Variants in PRDX5 observed in about 807,000 individuals in gnomAD.
PRDX5 encodes peroxiredoxin-5, mitochondrial.
In PRDX5, 21 loss-of-function variants were observed where a neutral mutation model predicts 23.8. The observed-to-expected ratio is 0.88, with a 90% CI of 0.63 to 1.27. PRDX5 has a LOEUF of 1.27. Among genes scored for constraint, PRDX5 ranks in the 50% most tolerant of loss-of-function variants. The probability of loss-of-function intolerance (pLI) is 0.00; values close to 1 mark genes in which losing one functional copy is unlikely to be tolerated. For missense variants in PRDX5, 261 were observed against 270.6 expected, an observed-to-expected ratio of 0.96 and a Z score of 0.25; for synonymous variants, 111 against 113.3, an observed-to-expected ratio of 0.98 and a Z score of 0.13.
At position 64,318,125 on chromosome 11, in the gene PRDX5, C is replaced by T. The variant is rs1296335549; in HGVS notation, c.-91C>T. 7 of 1,550,256 alleles carry T rather than the reference C, an allele frequency of 4.5e-6. No individual in the cohort carries two copies. Among genetic ancestry groups the T allele is most frequent in the South Asian group, 2.4e-5 (2 of 83,698 alleles). ...GTGGAGGCGGCCCAGGCCCGCCTTCCGCAGGGTGTCGCCGCTGTGCCGCTA... is the reference window on the plus strand; with the variant it reads ...GTGGAGGCGGCCCAGGCCCGCCTTCTGCAGGGTGTCGCCGCTGTGCCGCTA... On this transcript the variant is annotated 5_prime_UTR_variant, in exon 1 of 6. Transcript: ENST00000265462.
At chr11:64,321,564 G>A (rs543295298) in intron 5 of PRDX5, 22 bp from the exon 6 acceptor site, 4 of 1,609,718 alleles carry the variant, frequency 2.5e-6, no homozygotes, top group African/African-American at 1.3e-5. Flanking sequence ...GATGCAGCTG[G>A]CTGGGCCCCT....
chr11:64,318,939 C>T (rs906426246), intron 1 of PRDX5, among the ~76,000 whole-genome samples: 3 of 149,306 alleles, frequency 2.0e-5, no homozygotes, highest in Non-Finnish European at 4.4e-5. Context: ...AACAGCTGTC[C>T]CTTAGCGCCC....
chr11:64,319,747 TC>T lies in PRDX5; in HGVS notation c.188del (p.Pro63GlnfsTer14), dbSNP rs1403174090. The T allele has an allele frequency of 1.9e-6, 3 of 1,613,822 alleles. No homozygotes were observed. The highest frequency in any genetic ancestry group is 2.5e-6 in the Non-Finnish European group (3 of 1,179,856). The stretch of plus-strand genomic sequence containing the variant: ...CCTTCCTTCTAGGTGGGAGATGCCA[TC>T]CCAGCAGTGGAGGTGTTTGAAGGGG... ...AMAPIKVGDA[I>X]PAVEVFEGEP... On this transcript the variant is annotated frameshift_variant, in exon 2 of 6. Coordinates refer to ENST00000265462, the MANE Select transcript of PRDX5 (RefSeq NM_012094.5). LOFTEE classifies it high-confidence loss of function.
rs771199353 is a variant in PRDX5 at position 64,318,245 on chromosome 11, A to G, written c.30A>G (p.Arg10=). The G allele has an allele frequency of 1.2e-6, 2 of 1,611,868 alleles. No homozygotes were observed. The highest frequency in any genetic ancestry group is 1.7e-6 in the Non-Finnish European group (2 of 1,179,848). Residue 10 remains arginine (R), a synonymous_variant, in exon 1 of 6, where the codon AGA becomes AGG. Transcript: ENST00000265462. MGLAGVCAL[R]RSAGYILVGG... ...GACTAGCTGGCGTGTGCGCCCTGAGACGCTCAGCGGGCTATATACTCGTCG... is the reference window on the plus strand; with the variant it reads ...GACTAGCTGGCGTGTGCGCCCTGAGGCGCTCAGCGGGCTATATACTCGTCG...
At chr11:64,321,530 A>G (rs865835745) in intron 5 of PRDX5, 56 bp from the exon 6 acceptor site, 2 of 1,588,846 alleles carry the variant, frequency 1.3e-6, no homozygotes, top group Admixed American at 1.7e-5. Context: ...GCCTGTCTCC[A>G]TGCCCAGCCT....
rs747092163 is a variant in PRDX5, at chr11:64,318,239, C to T, written c.24C>T (p.Ala8=). 1.2e-6 allele frequency: 2 copies of T among 1,611,870 alleles called. No homozygotes were observed. The highest frequency in any genetic ancestry group is 4.5e-5 in the East Asian group (2 of 44,880). Residue 8 remains alanine, a synonymous_variant, in exon 1 of 6, where the codon GCC becomes GCT. Transcript: ENST00000265462. MGLAGVC[A]LRRSAGYILV... ...GTATGGGACTAGCTGGCGTGTGCGC[C>T]CTGAGACGCTCAGCGGGCTATATAC...
intron 1 of PRDX5, among the ~76,000 whole-genome samples, chr11:64,318,826 A>G (rs1408983695): frequency 7.3e-6 from 1 of 136,640 alleles, no homozygotes; most frequent in Non-Finnish European, 1.6e-5. Flanking sequence ...CGAACTCCTG[A>G]CCTCAGGTGA....
In PRDX5 at chr11:64,318,147, G is replaced by T. The variant is rs950924466; in HGVS notation, c.-69G>T. 11 of 1,593,642 alleles carry T rather than the reference G, an allele frequency of 6.9e-6. No individual in the cohort carries two copies. In the African/African-American group the frequency reaches 1.5e-4, roughly 21 times the overall value. On this transcript the variant is annotated 5_prime_UTR_variant, in exon 1 of 6. Coordinates refer to ENST00000265462, the MANE Select transcript of PRDX5 (RefSeq NM_012094.5). ...TTCCGCAGGGTGTCGCCGCTGTGCC[G>T]CTAGCGGTGCCCCGCCTGCTGCGGT...
Position 64,318,221 on chromosome 11 carries a change from A to G in PRDX5, c.6A>G (p.Gly2=), listed in dbSNP as rs2035365270. ...GAAGTGGCCGTGGGGCGGGTATGGG[A>G]CTAGCTGGCGTGTGCGCCCTGAGAC... The part of the protein sequence containing the change: M[G]LAGVCALRRS... Residue 2 remains glycine, a synonymous_variant, in exon 1 of 6, where the codon GGA becomes GGG. Coordinates refer to ENST00000265462, the MANE Select transcript of PRDX5 (RefSeq NM_012094.5). 1 of 1,611,600 alleles carries G rather than the reference A, an allele frequency of 6.2e-7. No homozygotes were observed.
In PRDX5 at chr11:64,320,876, G is replaced by A. The variant is rs773923432; in HGVS notation, c.450G>A (p.Leu150=). 4.3e-6 allele frequency: 7 copies of A among 1,614,222 alleles called. No homozygotes were observed. The South Asian group carries it at 7.7e-5, about 18-fold the overall frequency. The change falls in exon 4 of 6, where the codon CTG becomes CTA. Residue 150 remains leucine (L), a synonymous_variant. Transcript: ENST00000265462. ...TACTTTCTCTGCAGGTTCGGCTCCT[G>A]GCTGATCCCACTGGGGCCTTTGGGA... ...AHKAEGKVRL[L]ADPTGAFGKE... is the part of the protein sequence containing the mutation.
At chr11:64,318,476 G>C in intron 1 of PRDX5, 90 bp downstream of exon 1, 1 of 1,475,394 alleles carries the variant, frequency 6.8e-7, no homozygotes, top group East Asian at 2.5e-5. Context: ...TTTATTTCCT[G>C]CCTGCCAGAC....
At position 64,320,881 on chromosome 11, in the gene PRDX5, A is replaced by G. The variant is rs766707826; in HGVS notation, c.455A>G (p.Asp152Gly). Residue 152 changes from aspartate to glycine, a missense_variant, in exon 4 of 6, where the codon GAT becomes GGT. Asp to Gly is a moderately conservative substitution (Grantham distance 94). Coordinates refer to ENST00000265462, the MANE Select transcript of PRDX5 (RefSeq NM_012094.5). ...KAEGKVRLLA[D>G]PTGAFGKETD... ...TCTCTGCAGGTTCGGCTCCTGGCTG[A>G]TCCCACTGGGGCCTTTGGGAAGGTG... 6.2e-6 allele frequency: 10 copies of G among 1,614,180 alleles called. No individual in the cohort carries two copies. The South Asian group carries it at 9.9e-5, about 16-fold the overall frequency.
rs1179716661 is a variant in PRDX5, at chr11:64,318,405, G to A, written c.171+19G>A. 3 of 1,592,832 alleles carry A rather than the reference G, an allele frequency of 1.9e-6. No individual in the cohort carries two copies. The highest frequency in any genetic ancestry group is 1.7e-6 in the Non-Finnish European group (2 of 1,171,742). On this transcript the variant is annotated intron_variant, in intron 1 of 5. Coordinates refer to ENST00000265462, the MANE Select transcript of PRDX5 (RefSeq NM_012094.5). ...AATCAAGGTGACCGCTGGCCCGGCC[G>A]GGCCTGACATCCCCCACTACCCCCA... is the stretch of plus-strand genomic sequence containing the variant.
At chr11:64,321,091 G>A (rs759369785) in intron 5 of PRDX5, 23 bp downstream of exon 5, 72 of 1,369,008 alleles carry the variant, frequency 5.3e-5, no homozygotes, top group Non-Finnish European at 7.1e-5. Context: ...AGTCCTCTGT[G>A]GAGAGAGTCC....
intron 2 of PRDX5, 74 bp downstream of exon 2, chr11:64,319,942 G>C (rs2035446145): frequency 3.9e-6 from 6 of 1,540,138 alleles, no homozygotes; most frequent in Non-Finnish European, 4.4e-6. Flanking sequence ...ACATAGTCCT[G>C]ATAGGACTCC....
rs781169297 is a variant in PRDX5, at chr11:64,318,289, C to T, written c.74C>T (p.Ser25Phe). 4.0e-5 allele frequency: 64 copies of T among 1,612,430 alleles called. No homozygotes were observed. Among genetic ancestry groups the T allele is most frequent in the Non-Finnish European group, 5.2e-5 (61 of 1,179,896 alleles). ...YILVGGAGGQ[S>F]AAAAARRYSE... ...CTCGTCGGTGGGGCCGGCGGTCAGT[C>T]TGCGGCAGCGGCAGCAAGACGGTAC... is the stretch of plus-strand genomic sequence containing the variant. Residue 25 changes from serine to phenylalanine, a missense_variant, in exon 1 of 6, where the codon TCT becomes TTT. Coordinates refer to ENST00000265462, the MANE Select transcript of PRDX5 (RefSeq NM_012094.5).
In PRDX5 at chr11:64,318,346, G is replaced by T. The variant is rs140015234; in HGVS notation, c.131G>T (p.Arg44Leu). The T allele has an allele frequency of 1.6e-5, 26 of 1,611,262 alleles. No homozygotes were observed. In the African/African-American group the frequency reaches 3.1e-4, roughly 19 times the overall value. Reference protein sequence around the residue: ...SEGEWASGGVRSFSRAAAAMA... With the variant: ...SEGEWASGGVLSFSRAAAAMA... ...GGAGAGTGGGCGTCTGGCGGGGTCC[G>T]CAGTTTCAGCAGAGCCGCTGCAGCC... Residue 44 changes from arginine (R) to leucine (L), a missense_variant, in exon 1 of 6, where the codon CGC (arginine) becomes CTC (leucine). Arg to Leu is a moderately radical substitution (Grantham distance 102). Coordinates refer to ENST00000265462, the MANE Select transcript of PRDX5 (RefSeq NM_012094.5).
intron 1 of PRDX5, 27 bp from the exon 2 acceptor site, chr11:64,319,707 C>T (rs746775037): frequency 8.1e-6 from 13 of 1,608,122 alleles, no homozygotes; most frequent in Middle Eastern, 3.3e-4. Context: ...TCCCTCACCC[C>T]CCTTACCCTG....
Position 64,320,746 on chromosome 11 carries a change from C to G in PRDX5, c.392C>G (p.Ala131Gly). 6.2e-7 allele frequency: 1 copy of G among 1,614,108 alleles called. No homozygotes were observed. The highest frequency in any genetic ancestry group is 8.5e-7 in the Non-Finnish European group (1 of 1,179,968). Residue 131 changes from alanine to glycine, a missense_variant, in exon 3 of 6, where the codon GCC becomes GGC. Physicochemically the swap from Ala to Gly is moderately conservative, Grantham distance 60. Coordinates refer to ENST00000265462, the MANE Select transcript of PRDX5 (RefSeq NM_012094.5). ...GTGGCCTGTCTGAGTGTTAATGATGCCTTTGTGACTGGCGAGTGGGGCCGA... is the reference window on the plus strand; with the variant it reads ...GTGGCCTGTCTGAGTGTTAATGATGGCTTTGTGACTGGCGAGTGGGGCCGA... ...QVVACLSVND[A>G]FVTGEWGRAH...
Sources: allele counts gnomAD v4.1 joint callset (sites outside exome capture counted in the v4.1 genomes callset), GRCh38; gene constraint gnomAD v4.1.1; transcripts MANE v1.5; gene names NCBI Gene and HGNC (gene_info 2026-07-23, HGNC 2026-07-21).